The following IL1RAPL1 variants were observed in gnomAD, a reference collection of about 807,000 sequenced individuals.
IL1RAPL1 encodes interleukin-1 receptor accessory protein-like 1.
In IL1RAPL1, 3 loss-of-function variants were observed where a neutral mutation model predicts 48.4. The ratio of observed to expected loss-of-function variants is 0.06; its 90% CI spans 0.03 to 0.16. The LOEUF (loss-of-function observed/expected upper bound fraction) is 0.16. Among genes scored for constraint, IL1RAPL1 ranks in the 10% least tolerant of loss-of-function variants. IL1RAPL1 has a pLI of 1.00. For missense variants in IL1RAPL1, 349 were observed against 530.6 expected (o/e 0.66, Z 3.36); for synonymous variants, 185 against 187.7 (o/e 0.99, Z 0.12).
At chrX:28,897,678 T>C (rs750850625) in intron 2 of IL1RAPL1, among the ~76,000 whole-genome samples, 1 of 111,553 alleles carries the variant, frequency 9.0e-6, no homozygotes, top group African/African-American at 3.3e-5. Flanking sequence ...CCCAAGGGAG[T>C]TCCCCCCTCC....
rs144431182 is a variant in IL1RAPL1, at chrX:29,573,708, G to A, written c.704-94722G>A. ...GTGAGAGCCCTTTAGGTAGATCCTC[G>A]TAAAAGTTACCATTTTGAGAATTGT... On this transcript the variant is annotated intron_variant, in intron 5 of 10. Transcript: ENST00000378993. Among the ~76,000 whole-genome samples the A allele has an allele frequency of 1.4e-4, 16 of 112,396 alleles. No homozygotes were observed. In the East Asian group the frequency reaches 3.3e-3, roughly 23 times the overall value.
chrX:29,319,160 G>GTCTGTCTGTCTGTCTATCTA (rs370282992), intron 3 of IL1RAPL1, among the ~76,000 whole-genome samples: 19 of 84,986 alleles, frequency 2.2e-4, no homozygotes, highest in African/African-American at 8.3e-4. Flanking sequence ...CTATCTGTCT[G>GTCTGTCTGTCTGTCTATCTA]TCTATCTATC....
chrX:29,182,113 C>CT (rs1569254024), intron 2 of IL1RAPL1, among the ~76,000 whole-genome samples: 1 of 108,160 alleles, frequency 9.2e-6, no homozygotes, highest in African/African-American at 3.4e-5. Context: ...TGCCCCCCCC[C>CT]ACCCCATGCC....
intron 2 of IL1RAPL1, among the ~76,000 whole-genome samples, chrX:29,045,914 CCTT>C (rs1425774431): frequency 6.8e-5 from 6 of 87,843 alleles, no homozygotes; most frequent in African/African-American, 1.6e-4. Context: ...TCCTCCTCCT[CCTT>C]CTTCCTCCTC....
rs186616533 is a variant in IL1RAPL1 at position 29,067,372 on chromosome X, G to A, written c.83-215566G>A. 2.0e-3 allele frequency among the ~76,000 whole-genome samples: 221 copies of A among 112,420 alleles called. 1 individual carries two copies. Among genetic ancestry groups the A allele is most frequent in the Middle Eastern group, 9.3e-3 (2 of 214 alleles). Reference sequence around the variant, plus strand: ...CAAAACAAAACATTAATGTGTTGGTGAAATGTGCAAAATGCTAGCTTCTCA... The same window carrying A: ...CAAAACAAAACATTAATGTGTTGGTAAAATGTGCAAAATGCTAGCTTCTCA... On this transcript the variant is annotated intron_variant, in intron 2 of 10. Coordinates refer to ENST00000378993, the MANE Select transcript of IL1RAPL1 (RefSeq NM_014271.4).
At chrX:28,599,813 G>A (rs898215710) in intron 1 of IL1RAPL1, among the ~76,000 whole-genome samples, 3 of 111,940 alleles carry the variant, frequency 2.7e-5, no homozygotes, top group African/African-American at 9.7e-5. Flanking sequence ...AAAAGTTTTA[G>A]TTGTTTCTGA....
chrX:29,698,163 G>A (rs1926961057), intron 6 of IL1RAPL1, among the ~76,000 whole-genome samples: 1 of 107,678 alleles, frequency 9.3e-6, no homozygotes, highest in African/African-American at 3.4e-5. Context: ...TACTATTTCT[G>A]GAATGTTCTT....
In IL1RAPL1 at chrX:29,723,657, T is replaced by C. The variant is rs183133617; in HGVS notation, c.778+55153T>C. On this transcript the variant is annotated intron_variant, in intron 6 of 10. Coordinates refer to ENST00000378993, the MANE Select transcript of IL1RAPL1 (RefSeq NM_014271.4). ...AATGCTAAGATTGACCAACAGTTTT[T>C]AGAAAATTAAACTGCTTCCACATGA... 3.6e-5 allele frequency among the ~76,000 whole-genome samples: 4 copies of C among 112,317 alleles called. No individual in the cohort carries two copies. The Admixed American group carries it at 3.8e-4, about 11-fold the overall frequency.
intron 2 of IL1RAPL1, among the ~76,000 whole-genome samples, chrX:28,849,809 C>T (rs780600678): frequency 2.7e-5 from 3 of 111,912 alleles, no homozygotes; most frequent in Non-Finnish European, 3.8e-5. Flanking sequence ...TTATATACTG[C>T]GTATTAGACA....
At chrX:29,832,464 T>G (rs1330339295) in intron 6 of IL1RAPL1, among the ~76,000 whole-genome samples, 1 of 111,281 alleles carries the variant, frequency 9.0e-6, no homozygotes, top group East Asian at 2.8e-4. Context: ...AGGCAAGGGA[T>G]GTAACAGAAA....
At chrX:29,634,553 C>A (rs897476473) in intron 5 of IL1RAPL1, among the ~76,000 whole-genome samples, 3 of 111,029 alleles carry the variant, frequency 2.7e-5, no homozygotes, top group African/African-American at 9.9e-5. Flanking sequence ...TGGGCTCATA[C>A]CCTAGTCACG....
At chrX:29,449,780 C>CACAG (rs557765024) in intron 5 of IL1RAPL1, among the ~76,000 whole-genome samples, 2 of 58,247 alleles carry the variant, frequency 3.4e-5, no homozygotes, top group African/African-American at 7.4e-5. Context: ...CACACACACA[C>CACAG]AGAGAGAGAG....
chrX:29,299,877 A>T (rs777690627), intron 3 of IL1RAPL1, among the ~76,000 whole-genome samples: 1 of 112,320 alleles, frequency 8.9e-6, no homozygotes, highest in African/African-American at 3.2e-5. Flanking sequence ...GAGTTTGAGT[A>T]ATGCGGGTGT....
intron 2 of IL1RAPL1, among the ~76,000 whole-genome samples, chrX:28,849,916 C>T (rs1379805190): frequency 8.9e-6 from 1 of 111,893 alleles, no homozygotes; most frequent in African/African-American, 3.2e-5. Flanking sequence ...CAACTAATGC[C>T]AGTACTCCCT....
chrX:28,792,826 TATATATATATATATATATATATATAA>T (rs1294235855), intron 2 of IL1RAPL1, among the ~76,000 whole-genome samples: 6 of 51,910 alleles, frequency 1.2e-4, no homozygotes, highest in Non-Finnish European at 1.9e-4. Context: ...AATATATATA[TATATATATATATATATATATATATAA>T]AAAATAAGGC....
intron 6 of IL1RAPL1, among the ~76,000 whole-genome samples, chrX:29,682,597 T>A (rs1926490130): frequency 8.9e-6 from 1 of 112,344 alleles, no homozygotes; most frequent in Admixed American, 9.5e-5. Context: ...TTTGTGTGTC[T>A]ATTTCTCTTG....
intron 1 of IL1RAPL1, among the ~76,000 whole-genome samples, chrX:28,657,256 G>A (rs879252603): frequency 1.1e-4 from 12 of 111,579 alleles, no homozygotes; most frequent in Admixed American, 6.7e-4. Flanking sequence ...ATTATCAGTG[G>A]TTTATGGTTC....
At chrX:29,470,944 AT>A (rs1002465478) in intron 5 of IL1RAPL1, among the ~76,000 whole-genome samples, 2 of 111,850 alleles carry the variant, frequency 1.8e-5, no homozygotes, top group African/African-American at 6.5e-5. Context: ...ACCATTTTAA[AT>A]TGTACAATTT....
chrX:29,136,214 G>A (rs752980641), intron 2 of IL1RAPL1, among the ~76,000 whole-genome samples: 1 of 96,514 alleles, frequency 1.0e-5, no homozygotes, highest in African/African-American at 3.9e-5. Flanking sequence ...CACAACCTCC[G>A]CCTCCCAGGT....
Sources: gnomAD v4.1 joint callset for allele counts (sites outside exome capture counted in the v4.1 genomes callset) on GRCh38, gnomAD v4.1.1 for gene constraint, MANE v1.5 for transcripts, NCBI Gene and HGNC (gene_info 2026-07-23, HGNC 2026-07-21) for gene names.